Variants in NBEA observed in about 807,000 individuals in gnomAD.
NBEA encodes the protein neurobeachin.
NBEA carries 44 observed loss-of-function variants against 343.4 expected under a neutral mutation model. The observed-to-expected ratio is 0.13, with a 90% CI of 0.10 to 0.16. The LOEUF (loss-of-function observed/expected upper bound fraction) is 0.16, where lower values mean the gene tolerates loss of function less well. Ranked by LOEUF, NBEA falls within the 10% of genes least tolerant of loss-of-function variation. The pLI is 1.00. For synonymous variants in NBEA, 1,175 were observed against 1,238.7 expected, an observed-to-expected ratio of 0.95 and a Z score of 1.08; for missense variants, 2,555 against 3,631.3, an observed-to-expected ratio of 0.70 and a Z score of 7.62.
intron 11 of NBEA, among the ~76,000 whole-genome samples, chr13:35,105,942 A>G (rs2065900742): frequency 6.6e-6 from 1 of 152,062 alleles, no homozygotes; most frequent in Non-Finnish European, 1.5e-5. Flanking sequence ...TTATGGGCTA[A>G]TCTAAATGTT....
At chr13:35,027,089 T>A (rs942637289) in intron 1 of NBEA, among the ~76,000 whole-genome samples, 2 of 152,136 alleles carry the variant, frequency 1.3e-5, no homozygotes, top group Non-Finnish European at 2.9e-5. Context: ...TTGGTTCCTT[T>A]TTATTGCTGA....
chr13:35,018,223 G>C (rs2152539208), intron 1 of NBEA, among the ~76,000 whole-genome samples: 1 of 152,006 alleles, frequency 6.6e-6, no homozygotes, highest in Non-Finnish European at 1.5e-5. Context: ...ATTTGTTTTG[G>C]CTATTGTAGG....
intron 41 of NBEA, chr13:35,475,332 C>T (rs774516279): frequency 6.2e-7 from 1 of 1,614,038 alleles, no homozygotes; most frequent in Non-Finnish European, 8.5e-7. Context: ...GGTAATTGTT[C>T]AAGGGCTGGC....
At chr13:35,081,222 G>C (rs1476882866) in intron 10 of NBEA, among the ~76,000 whole-genome samples, 1 of 152,006 alleles carries the variant, frequency 6.6e-6, no homozygotes, top group African/African-American at 2.4e-5. Flanking sequence ...ATGAGCATCT[G>C]CCTATTAGAG....
intron 41 of NBEA, among the ~76,000 whole-genome samples, chr13:35,549,882 TG>T (rs757581439): frequency 6.6e-6 from 1 of 152,224 alleles, no homozygotes; most frequent in Non-Finnish European, 1.5e-5. Context: ...AGCTCATACT[TG>T]TTGTAAATAA....
At chr13:35,141,459 G>T (rs1276179662) in intron 17 of NBEA, among the ~76,000 whole-genome samples, 3 of 152,060 alleles carry the variant, frequency 2.0e-5, no homozygotes, top group African/African-American at 4.8e-5. Flanking sequence ...TAGAGATGGG[G>T]TTTCACCACA....
At chr13:35,341,104 A>G (rs28896014) in intron 36 of NBEA, among the ~76,000 whole-genome samples, 1,889 of 152,136 alleles carry the variant, frequency 0.012, 33 homozygotes, top group African/African-American at 0.043. Context: ...TGGTCAATTT[A>G]TTTTCAACAA....
At chr13:35,212,975 A>G (rs1465060773) in intron 33 of NBEA, among the ~76,000 whole-genome samples, 1 of 151,866 alleles carries the variant, frequency 6.6e-6, no homozygotes, top group African/African-American at 2.4e-5. Context: ...TCTTATCATT[A>G]TCAATATGGT....
At chr13:35,630,800 GACC>G (rs1166560624) in intron 49 of NBEA, among the ~76,000 whole-genome samples, 1 of 152,138 alleles carries the variant, frequency 6.6e-6, no homozygotes, top group Non-Finnish European at 1.5e-5. Context: ...GGTTTACCAT[GACC>G]CTGTGGACCT....
intron 4 of NBEA, among the ~76,000 whole-genome samples, chr13:35,048,186 A>G (rs1025314458): frequency 3.3e-5 from 5 of 151,944 alleles, no homozygotes; most frequent in Admixed American, 2.6e-4. Flanking sequence ...AATCTCCTTT[A>G]ACCAAATGGG....
At chr13:35,392,820 T>G (rs1370199796) in intron 38 of NBEA, among the ~76,000 whole-genome samples, 1 of 152,180 alleles carries the variant, frequency 6.6e-6, no homozygotes, top group Non-Finnish European at 1.5e-5. Context: ...TTAAGAATGG[T>G]ATCGTGCCTA....
At chr13:35,176,975 C>T (rs2070947438) in intron 27 of NBEA, 21 bp from the exon 28 acceptor site, 1 of 1,448,436 alleles carries the variant, frequency 6.9e-7, no homozygotes. Context: ...TATCTATTCA[C>T]AATTCTTTTT....
intron 34 of NBEA, among the ~76,000 whole-genome samples, chr13:35,255,457 A>C (rs7333235): frequency 1.8e-4 from 28 of 152,244 alleles, no homozygotes; most frequent in African/African-American, 6.8e-4. Flanking sequence ...CAGTGGGTGC[A>C]TGAGCGGGCA....
intron 36 of NBEA, among the ~76,000 whole-genome samples, chr13:35,329,433 G>C (rs1319233471): frequency 6.6e-6 from 1 of 151,882 alleles, no homozygotes; most frequent in Non-Finnish European, 1.5e-5. Context: ...AGGACTGAAA[G>C]TACCCCAAAT....
chr13:35,450,472 A>G (rs887684594), intron 39 of NBEA, among the ~76,000 whole-genome samples: 1 of 152,054 alleles, frequency 6.6e-6, no homozygotes, highest in African/African-American at 2.4e-5. Context: ...GGGTGACAGA[A>G]TGAGACCCTG....
chr13:35,307,771 G>T (rs1235657796), intron 35 of NBEA, among the ~76,000 whole-genome samples: 1 of 152,010 alleles, frequency 6.6e-6, no homozygotes, highest in Non-Finnish European at 1.5e-5. Flanking sequence ...TCTGAGAAAT[G>T]TATGTATTTT....
chr13:35,651,656 C>T (rs1398931995), intron 52 of NBEA, 149 bp from the exon 53 acceptor site: 2 of 623,546 alleles, frequency 3.2e-6, no homozygotes, highest in Non-Finnish European at 5.8e-6. Flanking sequence ...GTAAGGCTGT[C>T]TACAGAGACA....
At chr13:35,235,006 G>A (rs1054095049) in intron 34 of NBEA, among the ~76,000 whole-genome samples, 4 of 152,080 alleles carry the variant, frequency 2.6e-5, no homozygotes, top group East Asian at 1.9e-4. Flanking sequence ...AATAATTTCC[G>A]AAAACAATAT....
intron 39 of NBEA, among the ~76,000 whole-genome samples, chr13:35,450,501 A>G (rs1001905794): frequency 1.3e-5 from 2 of 152,060 alleles, no homozygotes; most frequent in Non-Finnish European, 2.9e-5. Flanking sequence ...AACAACAACA[A>G]AATGGTTGAG....
Sources: allele counts gnomAD v4.1 joint callset (sites outside exome capture counted in the v4.1 genomes callset), GRCh38; gene constraint gnomAD v4.1.1; transcripts MANE v1.5; gene names NCBI Gene and HGNC (gene_info 2026-07-23, HGNC 2026-07-21).